The following NRG3 variants were observed in gnomAD, a reference collection of about 807,000 sequenced individuals.
NRG3 encodes the protein neuregulin 3, also known as pro-neuregulin-3, membrane-bound isoform.
A neutral mutation model predicts 66.9 loss-of-function variants in NRG3; 31 were observed. The ratio of observed to expected loss-of-function variants is 0.46; its 90% CI spans 0.35 to 0.63. The LOEUF (loss-of-function observed/expected upper bound fraction) is 0.63, where lower values mean the gene tolerates loss of function less well. Among genes scored for constraint, NRG3 ranks in the 20% least tolerant of loss-of-function variants. The pLI, the probability that NRG3 is intolerant of heterozygous loss-of-function variation, is 0.00. For synonymous variants in NRG3, 393 were observed against 359.4 expected, an observed-to-expected ratio of 1.09 and a Z score of -1.06; for missense variants, 910 against 878.9, an observed-to-expected ratio of 1.04 and a Z score of -0.45.
chr10:82,138,207 T>A (rs1350776694), intron 1 of NRG3, among the ~76,000 whole-genome samples: 1 of 152,136 alleles, frequency 6.6e-6, no homozygotes, highest in African/African-American at 2.4e-5. Flanking sequence ...CTCTTTTACT[T>A]ATCCCTTCTT....
chr10:82,514,950 T>A (rs1845515352), intron 2 of NRG3, among the ~76,000 whole-genome samples: 1 of 152,118 alleles, frequency 6.6e-6, no homozygotes. Context: ...CACAGAATGT[T>A]CATCTATGTC....
chr10:82,017,503 G>A (rs1164342431), intron 1 of NRG3, among the ~76,000 whole-genome samples: 1 of 152,096 alleles, frequency 6.6e-6, no homozygotes, highest in Admixed American at 6.6e-5. Context: ...AGATCCCTGA[G>A]GAATCACCAC....
At chr10:82,180,022 T>A (rs552235953) in intron 1 of NRG3, among the ~76,000 whole-genome samples, 16 of 151,998 alleles carry the variant, frequency 1.1e-4, no homozygotes, top group South Asian at 2.1e-4. Flanking sequence ...ATTATTTTTT[T>A]AATTTTCTTT....
intron 4 of NRG3, among the ~76,000 whole-genome samples, chr10:82,949,670 C>A (rs1480225715): frequency 1.3e-5 from 2 of 152,046 alleles, no homozygotes; most frequent in Admixed American, 6.6e-5. Context: ...GTCTGGCCAA[C>A]ACAGTGAAAC....
At chr10:82,683,426 A>T (rs1018197189) in intron 2 of NRG3, among the ~76,000 whole-genome samples, 3 of 152,162 alleles carry the variant, frequency 2.0e-5, no homozygotes, top group Non-Finnish European at 2.9e-5. Flanking sequence ...TTAAATTAAT[A>T]ATGGGTAACT....
At chr10:82,681,412 T>G (rs575589464) in intron 2 of NRG3, among the ~76,000 whole-genome samples, 1 of 152,332 alleles carries the variant, frequency 6.6e-6, no homozygotes, top group Admixed American at 6.5e-5. Flanking sequence ...ATATTAGATT[T>G]TATAAGCTTC....
intron 6 of NRG3, among the ~76,000 whole-genome samples, chr10:82,963,402 C>T (rs113780078): frequency 2.6e-5 from 4 of 152,172 alleles, no homozygotes; most frequent in Admixed American, 6.5e-5. Flanking sequence ...TGCATTAGGC[C>T]GGGCGCGGTG....
intron 1 of NRG3, among the ~76,000 whole-genome samples, chr10:82,200,876 A>C (rs967722537): frequency 2.0e-5 from 3 of 151,860 alleles, no homozygotes; most frequent in African/African-American, 7.3e-5. Context: ...ACACTCAGCT[A>C]CTCCAAGTTC....
intron 1 of NRG3, among the ~76,000 whole-genome samples, chr10:82,223,601 C>G (rs926160019): frequency 1.3e-5 from 2 of 151,006 alleles, no homozygotes; most frequent in African/African-American, 4.9e-5. Context: ...TGCCTTTGTG[C>G]ACTCAGAATG....
intron 3 of NRG3, among the ~76,000 whole-genome samples, chr10:82,786,837 G>T (rs2060386221): frequency 6.6e-6 from 1 of 152,124 alleles, no homozygotes; most frequent in African/African-American, 2.4e-5. Context: ...GCAGGAGTGG[G>T]TTAGTTGTCA....
chr10:82,897,748 G>T (rs1471080105), intron 4 of NRG3, among the ~76,000 whole-genome samples: 1 of 152,090 alleles, frequency 6.6e-6, no homozygotes, highest in Non-Finnish European at 1.5e-5. Flanking sequence ...TCGAACTCCA[G>T]ACCTCAGGTG....
At chr10:82,843,519 G>A (rs1332650009) in intron 3 of NRG3, among the ~76,000 whole-genome samples, 1 of 152,138 alleles carries the variant, frequency 6.6e-6, no homozygotes, top group African/African-American at 2.4e-5. Context: ...ATACAGTAAT[G>A]AAAAAGGAAA....
intron 1 of NRG3, among the ~76,000 whole-genome samples, chr10:82,238,364 C>T (rs898309558): frequency 1.3e-5 from 2 of 151,862 alleles, no homozygotes; most frequent in African/African-American, 4.8e-5. Flanking sequence ...TAAAATATTA[C>T]GTTTTTACTC....
chr10:82,407,275 A>G (rs12249152), intron 2 of NRG3, among the ~76,000 whole-genome samples: 6 of 152,038 alleles, frequency 3.9e-5, no homozygotes, highest in African/African-American at 1.4e-4. Context: ...ATGTTTTTTT[A>G]AAGGTGTTAG....
chr10:81,885,717 G>T (rs538445488), intron 1 of NRG3, among the ~76,000 whole-genome samples: 2 of 152,268 alleles, frequency 1.3e-5, no homozygotes, highest in East Asian at 3.9e-4. Flanking sequence ...TAGGAATACT[G>T]TAGTGTCAGA....
intron 4 of NRG3, among the ~76,000 whole-genome samples, chr10:82,922,150 G>A (rs10787501): frequency 0.87 from 132,468 of 151,964 alleles, 57,812 homozygotes; most frequent in Middle Eastern, 0.93. Flanking sequence ...ACCGGAAGAG[G>A]ATGTATAATA....
chr10:82,390,265 G>A (rs1012436749), intron 2 of NRG3, among the ~76,000 whole-genome samples: 5 of 151,884 alleles, frequency 3.3e-5, no homozygotes, highest in African/African-American at 1.2e-4. Context: ...ATTTCCCTAT[G>A]TCACTGCTTA....
At chr10:82,933,595 G>A (rs1317451300) in intron 4 of NRG3, among the ~76,000 whole-genome samples, 4 of 152,154 alleles carry the variant, frequency 2.6e-5, no homozygotes, top group African/African-American at 9.7e-5. Context: ...TATAGCCAAA[G>A]TATAATCCTA....
intron 1 of NRG3, among the ~76,000 whole-genome samples, chr10:82,027,273 TAAATGTC>T (rs2062356188): frequency 6.6e-6 from 1 of 152,090 alleles, no homozygotes; most frequent in African/African-American, 2.4e-5. Context: ...TACAGAAAGG[TAAATGTC>T]AGTGTTCTTC....
Sources: allele counts gnomAD v4.1 joint callset (sites outside exome capture counted in the v4.1 genomes callset), GRCh38; gene constraint gnomAD v4.1.1; transcripts MANE v1.5; gene names NCBI Gene and HGNC (gene_info 2026-07-23, HGNC 2026-07-21).